The following SMPX variants were observed in gnomAD, a reference collection of about 807,000 sequenced individuals.
SMPX encodes small muscular protein.
Under a neutral mutation model 6.3 loss-of-function variants are expected in SMPX, and 2 were observed. That is an observed-to-expected ratio of 0.32 (90% CI 0.13 to 0.99). The LOEUF (loss-of-function observed/expected upper bound fraction) is 0.99. SMPX is among the 50% of genes least tolerant of loss of function. The pLI is 0.49. For synonymous variants in SMPX, 32 were observed against 24.7 expected (o/e 1.30, Z -0.88); for missense variants, 60 against 66.8 (o/e 0.90, Z 0.36).
At chrX:21,731,538 T>G in intron 4 of SMPX, among the ~76,000 whole-genome samples, 1 of 80,751 alleles carries the variant, frequency 1.2e-5, no homozygotes, top group Admixed American at 1.4e-4. Flanking sequence ...ATACACATTA[T>G]GTGTGTATGT....
chrX:21,717,109 T>C (rs1388126044), intron 4 of SMPX, among the ~76,000 whole-genome samples: 1 of 111,424 alleles, frequency 9.0e-6, no homozygotes, highest in African/African-American at 3.3e-5. Flanking sequence ...GCTGATATGG[T>C]TTGGCTGTGC....
intron 2 of SMPX, among the ~76,000 whole-genome samples, chrX:21,745,876 G>A (rs1216721945): frequency 2.7e-5 from 3 of 111,533 alleles, no homozygotes; most frequent in Non-Finnish European, 5.7e-5. Flanking sequence ...TTTAGTAAGG[G>A]GACATGCAAA....
At chrX:21,721,166 A>C (rs1435381728) in intron 4 of SMPX, among the ~76,000 whole-genome samples, 1 of 112,099 alleles carries the variant, frequency 8.9e-6, no homozygotes, top group African/African-American at 3.3e-5. Flanking sequence ...TGACATTGAT[A>C]GTCCCCTAAC....
chrX:21,728,451 G>T (rs185453679), intron 4 of SMPX, among the ~76,000 whole-genome samples: 3 of 111,429 alleles, frequency 2.7e-5, no homozygotes, highest in Non-Finnish European at 3.8e-5. Context: ...CATCTTTTGT[G>T]TTTAGTAAAT....
Position 21,719,237 on chromosome X carries a change from AGGCC to A in SMPX, c.*15-12847_*15-12844del, listed in dbSNP as rs2092788656. Among the ~76,000 whole-genome samples the A allele has an allele frequency of 2.7e-5, 3 of 111,857 alleles. No homozygotes were observed. The South Asian group carries it at 1.1e-3, about 42-fold the overall frequency. On this transcript the variant is annotated intron_variant, in intron 4 of 4. Transcript: ENST00000379494. ...GTTTGATCCTCAGAAATCAAAAGAG[AGGCC>A]GGGCGCAGTGGCTCACGCCTGTAAT... is the stretch of plus-strand genomic sequence containing the variant.
chrX:21,732,267 C>A (rs905661591), intron 4 of SMPX, among the ~76,000 whole-genome samples: 3 of 112,016 alleles, frequency 2.7e-5, no homozygotes, highest in Non-Finnish European at 5.6e-5. Flanking sequence ...CCAAAGAATT[C>A]TTGAATACTA....
chrX:21,748,703 G>A (rs745848341), intron 2 of SMPX, among the ~76,000 whole-genome samples: 1 of 111,799 alleles, frequency 8.9e-6, no homozygotes, highest in South Asian at 3.7e-4. Flanking sequence ...GTATTATAGT[G>A]GTTTATGTAA....
intron 4 of SMPX, among the ~76,000 whole-genome samples, chrX:21,729,168 G>A (rs532141249): frequency 8.9e-6 from 1 of 112,743 alleles, no homozygotes; most frequent in Non-Finnish European, 1.9e-5. Flanking sequence ...TCATTCCTAA[G>A]TCTTAATTAC....
chrX:21,754,152 T>C (rs2092830282), intron 2 of SMPX, 94 bp downstream of exon 2: 1 of 791,397 alleles, frequency 1.3e-6, no homozygotes, highest in Non-Finnish European at 2.0e-6. Flanking sequence ...AAGAACTTAA[T>C]TTTCTTCTTG....
intron 4 of SMPX, among the ~76,000 whole-genome samples, chrX:21,719,135 C>G (rs897736661): frequency 8.9e-6 from 1 of 112,136 alleles, no homozygotes; most frequent in African/African-American, 3.2e-5. Flanking sequence ...TAATGGAACT[C>G]CAACTCCTGA....
intron 4 of SMPX, among the ~76,000 whole-genome samples, chrX:21,713,828 T>C (rs1602097915): frequency 1.8e-5 from 2 of 112,336 alleles, no homozygotes; most frequent in African/African-American, 6.5e-5. Context: ...ATACCTGTAG[T>C]GTACCAAAAA....
At chrX:21,728,912 A>G (rs1451913528) in intron 4 of SMPX, among the ~76,000 whole-genome samples, 1 of 112,555 alleles carries the variant, frequency 8.9e-6, no homozygotes, top group African/African-American at 3.2e-5. Flanking sequence ...TCACAAGCAT[A>G]TAATAAATGG....
rs368638477 is a variant in SMPX, at chrX:21,737,650, C to A, written c.180G>T (p.Ala60=). Residue 60 remains alanine, a synonymous_variant, in exon 4 of 5, where the codon GCG becomes GCT. Transcript: ENST00000379494. Reference sequence around the variant, plus strand: ...TGACTGCAGGTCCTGGAAGTTTCTTCGCTCCTGGAATTGGCTTCTTCTCCT... The same window carrying A: ...TGACTGCAGGTCCTGGAAGTTTCTTAGCTCCTGGAATTGGCTTCTTCTCCT... ...SDEEKKPIPG[A]KKLPGPAVNL... The A allele has an allele frequency of 8.3e-7, 1 of 1,209,406 alleles. No homozygotes were observed. The highest frequency in any genetic ancestry group is 1.1e-6 in the Non-Finnish European group (1 of 893,288).
In SMPX at chrX:21,743,924, G is replaced by A; in HGVS notation, c.46-88C>T. 5 of 709,054 alleles carry A rather than the reference G, an allele frequency of 7.1e-6. No homozygotes were observed. The Admixed American group carries it at 9.2e-5, about 13-fold the overall frequency. The allele number at this position is 709,054 out of a possible 1,213,427, so 58.4% of individuals were successfully genotyped here. On this transcript the variant is annotated intron_variant, in intron 2 of 4. Coordinates refer to ENST00000379494, the MANE Select transcript of SMPX (RefSeq NM_014332.3). ...GACAGTAATCGTTGTGAAGAAAAAT[G>A]CGTCTGAAAAGTACATCTTCAAAGC...
chrX:21,733,605 G>A (rs2092807292), intron 4 of SMPX: 1 of 276,777 alleles, frequency 3.6e-6, no homozygotes. Flanking sequence ...TTTCAATTGC[G>A]ACTTTCTCGG....
chrX:21,744,027 T>G (rs2147390638), intron 2 of SMPX, among the ~76,000 whole-genome samples, 191 bp from the exon 3 acceptor site: 1 of 112,208 alleles, frequency 8.9e-6, no homozygotes, highest in Non-Finnish European at 1.9e-5. Flanking sequence ...TATTACAGAT[T>G]ACATTTATTA....
At chrX:21,751,046 G>A (rs1388352546) in intron 2 of SMPX, among the ~76,000 whole-genome samples, 5 of 112,212 alleles carry the variant, frequency 4.5e-5, no homozygotes, top group African/African-American at 6.5e-5. Flanking sequence ...CTCGACTCCT[G>A]AAATGCCTGA....
intron 4 of SMPX, among the ~76,000 whole-genome samples, chrX:21,731,418 T>TACAC (rs769040959): frequency 1.3e-5 from 1 of 75,437 alleles, no homozygotes; most frequent in Admixed American, 1.5e-4. Flanking sequence ...ATAATATATA[T>TACAC]ACACACATAT....
chrX:21,746,289 A>G (rs1314689706), intron 2 of SMPX, among the ~76,000 whole-genome samples: 2 of 111,988 alleles, frequency 1.8e-5, no homozygotes, highest in Admixed American at 9.5e-5. Context: ...TGATGAAGAA[A>G]TGAATCCTCA....
Sources: allele counts gnomAD v4.1 joint callset (sites outside exome capture counted in the v4.1 genomes callset), GRCh38; gene constraint gnomAD v4.1.1; transcripts MANE v1.5; gene names NCBI Gene and HGNC (gene_info 2026-07-23, HGNC 2026-07-21).